The following RMST variants were observed in gnomAD, a reference collection of about 807,000 sequenced individuals.
The protein encoded by RMST is long intergenic non-protein coding RNA 54.
chr12:97,516,412 A>C (rs1359680573), intron 10 of RMST, among the ~76,000 whole-genome samples: 1 of 152,082 alleles, frequency 6.6e-6, no homozygotes, highest in African/African-American at 2.4e-5. Flanking sequence ...TAGGTTTGGC[A>C]AAACTGTTCA....
chr12:97,532,581 T>C (rs1005864297), intron 11 of RMST: 37 of 151,454 alleles, frequency 2.4e-4, no homozygotes, highest in African/African-American at 8.5e-4. Context: ...CAGAACTCTG[T>C]TGGAGTATTG....
intron 10 of RMST, among the ~76,000 whole-genome samples, chr12:97,499,389 TA>T (rs895015555): frequency 6.6e-5 from 10 of 152,308 alleles, no homozygotes; most frequent in Admixed American, 3.3e-4. Context: ...TTTTAAAATG[TA>T]ACTTGTTTTA....
At position 97,509,563 on chromosome 12, in the gene RMST, T is replaced by G. The variant is rs577964825; in HGVS notation, n.1340+13507T>G. Among the ~76,000 whole-genome samples, 3 of 152,298 alleles carry G rather than the reference T, an allele frequency of 2.0e-5. No individual in the cohort carries two copies. The East Asian group carries it at 5.8e-4, about 29-fold the overall frequency. ...AATAAAATTCCCTTAGGTGGACAAC[T>G]AAGTGAGTTCTACATTCTCTCCTTC... On this transcript the variant is annotated intron_variant and non_coding_transcript_variant, in intron 10 of 13. Transcript: ENST00000640149.
At chr12:97,495,451 G>A (rs1341705466) in intron 9 of RMST, among the ~76,000 whole-genome samples, 5 of 152,132 alleles carry the variant, frequency 3.3e-5, no homozygotes, top group South Asian at 2.1e-4. Context: ...GGTACCTGTT[G>A]ATGCAATATG....
chr12:97,479,447 C>T (rs1249997515), intron 5 of RMST, among the ~76,000 whole-genome samples: 1 of 152,112 alleles, frequency 6.6e-6, no homozygotes, highest in Non-Finnish European at 1.5e-5. Context: ...GCCACAATGC[C>T]CAGTCTTTAC....
Position 97,501,218 on chromosome 12 carries a change from G to T in RMST, n.1340+5162G>T, listed in dbSNP as rs371758994. 1.3e-3 allele frequency among the ~76,000 whole-genome samples: 199 copies of T among 152,254 alleles called. 1 individual carries two copies. The highest frequency in any genetic ancestry group is 4.4e-3 in the African/African-American group (181 of 41,556). On this transcript the variant is annotated intron_variant and non_coding_transcript_variant, in intron 10 of 13. Transcript: ENST00000640149. The stretch of plus-strand genomic sequence containing the variant: ...TTTCAATATTTACCAGTAAGGCCTT[G>T]GGTGATACCAAGGTAGGAAATAGAC...
intron 10 of RMST, among the ~76,000 whole-genome samples, chr12:97,518,650 C>T (rs897161659): frequency 9.2e-5 from 14 of 152,110 alleles, no homozygotes; most frequent in Non-Finnish European, 1.5e-4. Flanking sequence ...TCACACATTC[C>T]CTCTCAAGTT....
intron 11 of RMST, among the ~76,000 whole-genome samples, chr12:97,549,709 G>C (rs1405647653): frequency 6.6e-6 from 1 of 152,128 alleles, no homozygotes; most frequent in African/African-American, 2.4e-5. Flanking sequence ...ATCCCTGAAG[G>C]TTTTTCTGTC....
chr12:97,512,362 T>G (rs1023436030), intron 10 of RMST, among the ~76,000 whole-genome samples: 4 of 152,096 alleles, frequency 2.6e-5, no homozygotes, highest in Non-Finnish European at 5.9e-5. Flanking sequence ...TTCCACAGCG[T>G]GTAAGGGGAC....
At chr12:97,464,015 A>G (rs1241231828) in intron 4 of RMST, among the ~76,000 whole-genome samples, 1 of 152,204 alleles carries the variant, frequency 6.6e-6, no homozygotes, top group Non-Finnish European at 1.5e-5. Context: ...AATAAGAAAT[A>G]ATGAATGAGT....
At chr12:97,484,450 A>G (rs962386002) in intron 5 of RMST, among the ~76,000 whole-genome samples, 1 of 152,220 alleles carries the variant, frequency 6.6e-6, no homozygotes, top group Admixed American at 6.5e-5. Context: ...TAGTCATATT[A>G]ACAACAGCAT....
chr12:97,479,769 C>A (rs1875007258), intron 5 of RMST, among the ~76,000 whole-genome samples: 2 of 152,164 alleles, frequency 1.3e-5, no homozygotes, highest in South Asian at 4.1e-4. Flanking sequence ...CTTTCATCCA[C>A]CATCATGGTT....
intron 5 of RMST, among the ~76,000 whole-genome samples, chr12:97,476,503 T>A (rs1353537680): frequency 6.6e-6 from 1 of 152,172 alleles, no homozygotes; most frequent in Non-Finnish European, 1.5e-5. Flanking sequence ...GATGTTCCAG[T>A]GGACTTCAAA....
intron 10 of RMST, among the ~76,000 whole-genome samples, chr12:97,529,277 GC>G (rs1881413038): frequency 6.6e-6 from 1 of 151,948 alleles, no homozygotes; most frequent in Admixed American, 6.6e-5. Flanking sequence ...TATCTTTGCA[GC>G]ACTTTAAGCT....
At chr12:97,490,099 A>G (rs1031400526) in intron 5 of RMST, among the ~76,000 whole-genome samples, 3 of 152,174 alleles carry the variant, frequency 2.0e-5, no homozygotes, top group African/African-American at 7.2e-5. Flanking sequence ...GTAAGTTTTG[A>G]AAGGTGTAAA....
At chr12:97,496,541 C>T (rs535724661) in intron 10 of RMST, among the ~76,000 whole-genome samples, 1 of 152,288 alleles carries the variant, frequency 6.6e-6, no homozygotes, top group South Asian at 2.1e-4. Context: ...AATTTGATTA[C>T]TGTGTCCTAA....
chr12:97,489,853 T>C (rs184117869), intron 5 of RMST, among the ~76,000 whole-genome samples: 3 of 152,312 alleles, frequency 2.0e-5, no homozygotes, highest in Admixed American at 1.3e-4. Context: ...ATCTTCACAA[T>C]CCTAAACTGT....
At chr12:97,512,500 T>A (rs1879471033) in intron 10 of RMST, among the ~76,000 whole-genome samples, 2 of 152,158 alleles carry the variant, frequency 1.3e-5, no homozygotes, top group Non-Finnish European at 1.5e-5. Context: ...GCGTTTACAA[T>A]CCCTGAGCTA....
chr12:97,467,041 G>A (rs1209011913), intron 5 of RMST, among the ~76,000 whole-genome samples: 1 of 151,974 alleles, frequency 6.6e-6, no homozygotes, highest in African/African-American at 2.4e-5. Flanking sequence ...AGAAAAGAAG[G>A]AAACAAGGAG....
Sources: gnomAD v4.1 joint callset for allele counts (sites outside exome capture counted in the v4.1 genomes callset) on GRCh38, gnomAD v4.1.1 for gene constraint, MANE v1.5 for transcripts, NCBI Gene and HGNC (gene_info 2026-07-23, HGNC 2026-07-21) for gene names.